Variants in NCAM2 observed in about 807,000 individuals in gnomAD.
The protein encoded by NCAM2 is N-CAM-2.
NCAM2 carries 30 observed loss-of-function variants against 98.1 expected under a neutral mutation model. The ratio of observed to expected loss-of-function variants is 0.31; its 90% CI spans 0.23 to 0.41. NCAM2 has a LOEUF of 0.41. Among genes scored for constraint, NCAM2 ranks in the 10% least tolerant of loss-of-function variants. The pLI is 1.00. For synonymous variants in NCAM2, 368 were observed against 342.4 expected (o/e 1.07, Z -0.83); for missense variants, 867 against 1,005.8 (o/e 0.86, Z 1.87).
intron 12 of NCAM2, among the ~76,000 whole-genome samples, chr21:21,433,865 C>T (rs1433530135): frequency 6.6e-6 from 1 of 152,070 alleles, no homozygotes; most frequent in Non-Finnish European, 1.5e-5. Context: ...ATTTCCTAAA[C>T]TGCATAAAAC....
intron 1 of NCAM2, among the ~76,000 whole-genome samples, chr21:21,135,618 TTCTAACCA>T (rs2067032412): frequency 6.6e-6 from 1 of 152,182 alleles, no homozygotes; most frequent in Non-Finnish European, 1.5e-5. Context: ...CGGTTGCATC[TTCTAACCA>T]TGACAGTCCT....
chr21:21,284,257 A>G lies in NCAM2; in HGVS notation c.194A>G (p.Gln65Arg). 1.2e-6 allele frequency: 2 copies of G among 1,612,590 alleles called. No homozygotes were observed. Among genetic ancestry groups the G allele is most frequent in the Non-Finnish European group, 1.7e-6 (2 of 1,178,824 alleles). ...NPQGEKIIST[Q>R]RVVVQKEGVR... Reference sequence around the variant, plus strand: ...CAAGGAGAGAAGATAATTTCAACACAGAGGGTAGTAGTGCAAAAGGAAGGT... The same window carrying G: ...CAAGGAGAGAAGATAATTTCAACACGGAGGGTAGTAGTGCAAAAGGAAGGT... The change falls in exon 3 of 18, where the codon CAG becomes CGG. Residue 65 changes from glutamine to arginine, a missense_variant. Gln to Arg is a conservative substitution (Grantham distance 43). Transcript: ENST00000400546.
intron 16 of NCAM2, among the ~76,000 whole-genome samples, chr21:21,526,317 AT>A (rs1989321860): frequency 6.6e-6 from 1 of 152,132 alleles, no homozygotes; most frequent in Non-Finnish European, 1.5e-5. Context: ...ATATGCAAAA[AT>A]CAAAAGTATA....
rs538467774 is a variant in NCAM2, at chr21:21,306,461, A to G, written c.619+14220A>G. ...GTTTATTCCGGATAATATTTGCTCC[A>G]ATACCTGAGTGTTAGCAATATAGCT... is the stretch of plus-strand genomic sequence containing the variant. On this transcript the variant is annotated intron_variant, in intron 5 of 17. Coordinates refer to ENST00000400546, the MANE Select transcript of NCAM2 (RefSeq NM_004540.5). Among the ~76,000 whole-genome samples, 29 of 152,274 alleles carry G rather than the reference A, an allele frequency of 1.9e-4. No individual in the cohort carries two copies. The East Asian group carries it at 4.8e-3, about 25-fold the overall frequency.
At chr21:21,346,645 G>T (rs1602056517) in intron 8 of NCAM2, among the ~76,000 whole-genome samples, 2 of 151,976 alleles carry the variant, frequency 1.3e-5, no homozygotes, top group East Asian at 1.9e-4. Context: ...CAAAGCAAAT[G>T]TTAAAATATT....
rs181153714 is a variant in NCAM2, at chr21:21,168,113, G to A, written c.56-112465G>A. On this transcript the variant is annotated intron_variant, in intron 1 of 17. Coordinates refer to ENST00000400546, the MANE Select transcript of NCAM2 (RefSeq NM_004540.5). The stretch of plus-strand genomic sequence containing the variant: ...ATAAAAATATTTTTACTTTACAACC[G>A]AGTGGGACTTACTCCGGGTGTGTAA... Among the ~76,000 whole-genome samples, 48 of 151,962 alleles carry A rather than the reference G, an allele frequency of 3.2e-4. 1 individual carries two copies. In the East Asian group the frequency reaches 5.2e-3, roughly 17 times the overall value.
chr21:21,445,559 G>A (rs150683370), intron 12 of NCAM2, among the ~76,000 whole-genome samples: 14 of 152,146 alleles, frequency 9.2e-5, no homozygotes, highest in South Asian at 2.1e-4. Context: ...AGCTCTTCTC[G>A]TTGACTTGAT....
chr21:21,404,251 A>G (rs1341840736), intron 9 of NCAM2, among the ~76,000 whole-genome samples: 2 of 152,188 alleles, frequency 1.3e-5, no homozygotes, highest in South Asian at 2.1e-4. Context: ...ACATATGTCA[A>G]TATATTGTAT....
chr21:21,206,426 A>T (rs2069440328), intron 1 of NCAM2, among the ~76,000 whole-genome samples: 1 of 152,114 alleles, frequency 6.6e-6, no homozygotes, highest in Non-Finnish European at 1.5e-5. Context: ...TAATTGATTC[A>T]CCTAATTATT....
chr21:21,439,442 T>G (rs935014481), intron 12 of NCAM2, among the ~76,000 whole-genome samples: 1 of 152,192 alleles, frequency 6.6e-6, no homozygotes, highest in Non-Finnish European at 1.5e-5. Context: ...AGGTTTAATT[T>G]TAGCAAAAGT....
intron 1 of NCAM2, among the ~76,000 whole-genome samples, chr21:21,195,105 C>G (rs2068958974): frequency 6.6e-6 from 1 of 152,112 alleles, no homozygotes; most frequent in South Asian, 2.1e-4. Context: ...AGTGTTACAG[C>G]AACCACTGAG....
chr21:21,063,092 G>A (rs1488267847), intron 1 of NCAM2, among the ~76,000 whole-genome samples: 1 of 151,394 alleles, frequency 6.6e-6, no homozygotes, highest in Non-Finnish European at 1.5e-5. Context: ...TTTTAAATTT[G>A]CACCTAATGC....
intron 12 of NCAM2, among the ~76,000 whole-genome samples, chr21:21,460,728 TCCTCACAAGATCCTTATA>T (rs931500258): frequency 2.0e-5 from 3 of 152,024 alleles, no homozygotes; most frequent in African/African-American, 7.2e-5. Context: ...GTGATATGTG[TCCTCACAAGATCCTTATA>T]ATAAAAAGAT....
chr21:21,386,281 A>C (rs2076270001), intron 9 of NCAM2, among the ~76,000 whole-genome samples: 1 of 152,206 alleles, frequency 6.6e-6, no homozygotes, highest in African/African-American at 2.4e-5. Flanking sequence ...TTATTTCAGT[A>C]AACACTTAGA....
chr21:21,308,274 A>G (rs1314044684), intron 5 of NCAM2, among the ~76,000 whole-genome samples: 1 of 152,140 alleles, frequency 6.6e-6, no homozygotes. Context: ...AGATGCTTGA[A>G]TGACTTCCTT....
chr21:21,004,615 A>G (rs922342974), intron 1 of NCAM2, among the ~76,000 whole-genome samples: 2 of 152,226 alleles, frequency 1.3e-5, no homozygotes, highest in Non-Finnish European at 2.9e-5. Flanking sequence ...CTTGTTCAAC[A>G]AAATATTATA....
rs199783337 is a variant in NCAM2, at chr21:21,284,363, A to G, written c.300A>G (p.Gly100=). The change falls in exon 3 of 18, where the codon GGA becomes GGG. Residue 100 remains glycine, a synonymous_variant. Coordinates refer to ENST00000400546, the MANE Select transcript of NCAM2 (RefSeq NM_004540.5). ...IYRCQATDAK[G]QTQEATVVLE... is the part of the protein sequence containing the mutation. ...GTTGTCAAGCAACAGATGCCAAAGG[A>G]CAAACACAAGAAGCTACAGTAGTTT... 1 of 1,612,768 alleles carries G rather than the reference A, an allele frequency of 6.2e-7. No homozygotes were observed. The highest frequency in any genetic ancestry group is 8.5e-7 in the Non-Finnish European group (1 of 1,179,082).
At chr21:21,313,160 T>C (rs921814898) in intron 5 of NCAM2, among the ~76,000 whole-genome samples, 7 of 151,892 alleles carry the variant, frequency 4.6e-5, no homozygotes, top group African/African-American at 1.7e-4. Context: ...TGTATTCTTA[T>C]TCCAAATAAA....
Position 21,229,092 on chromosome 21 carries a change from A to G in NCAM2, c.56-51486A>G, listed in dbSNP as rs2070511351. On this transcript the variant is annotated intron_variant, in intron 1 of 17. Transcript: ENST00000400546. ...ATAATGGTGGACATTTTCTTCTTCC[A>G]TTATTTTCTCTACCCTATGCTGCCC... Among the ~76,000 whole-genome samples, 2 of 151,450 alleles carry G rather than the reference A, an allele frequency of 1.3e-5. 1 individual carries two copies. The highest frequency in any genetic ancestry group is 4.1e-4 in the South Asian group (2 of 4,834).
Sources: allele counts gnomAD v4.1 joint callset (sites outside exome capture counted in the v4.1 genomes callset), GRCh38; gene constraint gnomAD v4.1.1; transcripts MANE v1.5; gene names NCBI Gene and HGNC (gene_info 2026-07-23, HGNC 2026-07-21).